The following LTBP1 variants were observed in gnomAD, a reference collection of about 807,000 sequenced individuals.
The protein encoded by LTBP1 is latent-transforming growth factor beta-binding protein 1.
In LTBP1, 129 loss-of-function variants were observed where a neutral mutation model predicts 207.6. That is an observed-to-expected ratio of 0.62 (90% confidence interval 0.54 to 0.72). The LOEUF (loss-of-function observed/expected upper bound fraction) is 0.72, where lower values mean the gene tolerates loss of function less well. LTBP1 is among the 30% of genes least tolerant of loss of function. LTBP1 has a pLI of 0.00. For synonymous variants in LTBP1, 963 were observed against 833.7 expected (o/e 1.16, Z -2.67); for missense variants, 2,281 against 2,217.2 (o/e 1.03, Z -0.58).
At chr2:33,016,256 G>C (rs1688364518) in intron 2 of LTBP1, among the ~76,000 whole-genome samples, 1 of 152,164 alleles carries the variant, frequency 6.6e-6, no homozygotes, top group African/African-American at 2.4e-5. Flanking sequence ...AGAAGTGAGG[G>C]TGGAAAAGGG....
chr2:33,031,630 G>A (rs2075695387), intron 3 of LTBP1, among the ~76,000 whole-genome samples: 1 of 152,222 alleles, frequency 6.6e-6, no homozygotes, highest in South Asian at 2.1e-4. Flanking sequence ...ATTGACCAGA[G>A]TTGGAAGGAC....
chr2:33,100,917 C>G (rs2079694927), intron 3 of LTBP1, among the ~76,000 whole-genome samples: 2 of 152,208 alleles, frequency 1.3e-5, no homozygotes, highest in Non-Finnish European at 2.9e-5. Context: ...ATTGCATGGA[C>G]AAACCACATT....
chr2:33,135,600 A>G (rs2082083725), intron 5 of LTBP1, among the ~76,000 whole-genome samples: 1 of 150,304 alleles, frequency 6.7e-6, no homozygotes, highest in Admixed American at 6.6e-5. Flanking sequence ...ACAGACTGGT[A>G]GATTACTCTC....
chr2:33,033,541 A>G (rs1386107639), intron 3 of LTBP1, among the ~76,000 whole-genome samples: 3 of 152,088 alleles, frequency 2.0e-5, no homozygotes, highest in African/African-American at 4.8e-5. Context: ...GACAATAATA[A>G]TGCATGAAAT....
intron 1 of LTBP1, among the ~76,000 whole-genome samples, chr2:32,948,371 T>C (rs959024462): frequency 2.0e-5 from 3 of 152,174 alleles, no homozygotes; most frequent in African/African-American, 7.2e-5. Flanking sequence ...TTGGTTGGAA[T>C]GTTTCTGTTA....
chr2:32,999,274 C>T (rs765256138), intron 2 of LTBP1, among the ~76,000 whole-genome samples: 9 of 152,198 alleles, frequency 5.9e-5, no homozygotes, highest in Non-Finnish European at 1.3e-4. Flanking sequence ...AGAAGCTGCA[C>T]TCTAGATAGT....
intron 3 of LTBP1, among the ~76,000 whole-genome samples, chr2:33,100,904 T>G (rs1423572814): frequency 6.6e-6 from 1 of 152,250 alleles, no homozygotes; most frequent in Non-Finnish European, 1.5e-5. Flanking sequence ...TAGATAATAT[T>G]CCATTGCATG....
chr2:33,100,784 C>G (rs1306771390), intron 3 of LTBP1, among the ~76,000 whole-genome samples: 2 of 152,186 alleles, frequency 1.3e-5, no homozygotes, highest in Admixed American at 6.5e-5. Context: ...GAAGTGGAAT[C>G]AAATCATACA....
chr2:33,059,674 C>T (rs1302421197), intron 3 of LTBP1, among the ~76,000 whole-genome samples: 4 of 152,112 alleles, frequency 2.6e-5, no homozygotes, highest in Non-Finnish European at 5.9e-5. Context: ...CATACATGTT[C>T]AAATACCAAA....
rs34063170 is a variant in LTBP1, at chr2:33,184,781, G to GTTTT, written c.1202-2061_1202-2058dup. 1.3e-3 allele frequency among the ~76,000 whole-genome samples: 177 copies of GTTTT among 136,394 alleles called. 1 individual carries two copies. The East Asian group carries it at 0.023, about 18-fold the overall frequency. 89.5% of individuals were successfully genotyped at this position (136,394 alleles called of 152,430 possible). A position where few individuals can be genotyped will look rare whatever the true frequency, so the allele number is the denominator to read the frequency against. On this transcript the variant is annotated intron_variant, in intron 5 of 33. Transcript: ENST00000404816. ...TCCCTTCCCTCATTCAGTATTTTCTGTTTTTTTTTTTTTTTTTAGCATTTC... is the reference window on the plus strand; with the variant it reads ...TCCCTTCCCTCATTCAGTATTTTCTGTTTTTTTTTTTTTTTTTTTTTAGCATTTC...
intron 9 of LTBP1, among the ~76,000 whole-genome samples, chr2:33,240,499 C>A (rs1204421523): frequency 6.6e-6 from 1 of 152,170 alleles, no homozygotes; most frequent in East Asian, 1.9e-4. Flanking sequence ...TAGGAAAAAT[C>A]ACTTAGGCAG....
At chr2:33,073,376 C>A in intron 3 of LTBP1, among the ~76,000 whole-genome samples, 1 of 150,944 alleles carries the variant, frequency 6.6e-6, no homozygotes, top group Non-Finnish European at 1.5e-5. Context: ...CCAGAAATGA[C>A]CAGAGGAAGT....
At chr2:33,004,343 C>A (rs900276414) in intron 2 of LTBP1, among the ~76,000 whole-genome samples, 1 of 152,122 alleles carries the variant, frequency 6.6e-6, no homozygotes, top group Non-Finnish European at 1.5e-5. Context: ...TATTTGTCCT[C>A]ACAGAGTTCT....
intron 31 of LTBP1, among the ~76,000 whole-genome samples, chr2:33,366,013 T>C (rs1377889503): frequency 2.6e-5 from 4 of 152,210 alleles, no homozygotes; most frequent in Non-Finnish European, 5.9e-5. Context: ...ACAAATCTCC[T>C]TTCCTTTCAA....
chr2:33,362,553 G>A (rs775469891), intron 28 of LTBP1, among the ~76,000 whole-genome samples: 1 of 151,898 alleles, frequency 6.6e-6, no homozygotes, highest in African/African-American at 2.4e-5. Flanking sequence ...TCCTATTTTA[G>A]CAGTGCTGTA....
chr2:33,300,709 T>G, intron 21 of LTBP1, 136 bp downstream of exon 21: 1 of 877,706 alleles, frequency 1.1e-6, no homozygotes, highest in Non-Finnish European at 1.6e-6. Context: ...AGCCAGGACT[T>G]AAACATAAGT....
chr2:33,392,183 A>ATTTTTTT (rs60323377), intron 32 of LTBP1, among the ~76,000 whole-genome samples: 1 of 148,278 alleles, frequency 6.7e-6, no homozygotes. Context: ...GCCAGGTAGT[A>ATTTTTTT]TTTTTTTTTT....
At chr2:32,957,121 T>C (rs777074855) in intron 2 of LTBP1, among the ~76,000 whole-genome samples, 5 of 152,188 alleles carry the variant, frequency 3.3e-5, no homozygotes, top group Non-Finnish European at 7.3e-5. Flanking sequence ...GATTTTTAGA[T>C]TGGTAAATTA....
At chr2:33,003,545 G>A (rs1188456839) in intron 2 of LTBP1, among the ~76,000 whole-genome samples, 2 of 152,204 alleles carry the variant, frequency 1.3e-5, no homozygotes, top group Non-Finnish European at 2.9e-5. Flanking sequence ...GCAACCAGGT[G>A]ACGGCAGAAC....
Sources: allele counts gnomAD v4.1 joint callset (sites outside exome capture counted in the v4.1 genomes callset), GRCh38; gene constraint gnomAD v4.1.1; transcripts MANE v1.5; gene names NCBI Gene and HGNC (gene_info 2026-07-23, HGNC 2026-07-21).